The following PPP6R3 variants were observed in gnomAD, a reference collection of about 807,000 sequenced individuals.
PPP6R3 encodes the protein serine/threonine-protein phosphatase 6 regulatory subunit 3.
Under a neutral mutation model 110.7 loss-of-function variants are expected in PPP6R3, and 38 were observed. The ratio of observed to expected loss-of-function variants is 0.34; its 90% confidence interval spans 0.26 to 0.45. The LOEUF is 0.45. PPP6R3 is among the 20% of genes least tolerant of loss of function. PPP6R3 has a pLI of 1.00. For synonymous variants in PPP6R3, 369 were observed against 373.5 expected, an observed-to-expected ratio of 0.99 and a Z score of 0.14; for missense variants, 870 against 1,062.4, an observed-to-expected ratio of 0.82 and a Z score of 2.52.
intron 1 of PPP6R3, among the ~76,000 whole-genome samples, chr11:68,480,568 C>T (rs186734211): frequency 2.6e-5 from 4 of 152,296 alleles, no homozygotes; most frequent in East Asian, 1.9e-4. Flanking sequence ...GCTTTAATAT[C>T]GTGTCCAGGA....
intron 4 of PPP6R3, 69 bp downstream of exon 4, chr11:68,545,093 G>T: frequency 1.6e-6 from 2 of 1,247,162 alleles, no homozygotes; most frequent in Non-Finnish European, 1.1e-6. Context: ...CCCAGTACTT[G>T]TTGCTTTAAG....
At chr11:68,485,798 A>C (rs2098943146) in intron 1 of PPP6R3, among the ~76,000 whole-genome samples, 2 of 152,266 alleles carry the variant, frequency 1.3e-5, no homozygotes, top group Middle Eastern at 6.8e-3. Context: ...GGGCTTAAGC[A>C]ATCCTCCTGT....
chr11:68,483,966 A>G (rs1017527481), intron 1 of PPP6R3, among the ~76,000 whole-genome samples: 8 of 152,298 alleles, frequency 5.3e-5, no homozygotes, highest in Admixed American at 4.6e-4. Flanking sequence ...AATGTCATAC[A>G]TTGTTTATGT....
At chr11:68,547,320 G>C (rs2099353323) in intron 4 of PPP6R3, among the ~76,000 whole-genome samples, 2 of 152,126 alleles carry the variant, frequency 1.3e-5, no homozygotes, top group Admixed American at 6.5e-5. Context: ...CACTCCCCCT[G>C]GGACTCGCAG....
chr11:68,531,367 TC>T (rs2099239375), intron 2 of PPP6R3, among the ~76,000 whole-genome samples: 2 of 149,860 alleles, frequency 1.3e-5, no homozygotes. Flanking sequence ...TAGGACAGGG[TC>T]TCACTCTTGT....
At chr11:68,592,722 A>G (rs2099599344) in intron 18 of PPP6R3, among the ~76,000 whole-genome samples, 1 of 152,240 alleles carries the variant, frequency 6.6e-6, no homozygotes, top group Non-Finnish European at 1.5e-5. Context: ...CTCCAGAGCC[A>G]GACAGCAAAA....
chr11:68,468,343 C>T (rs934451863), intron 1 of PPP6R3, among the ~76,000 whole-genome samples: 4 of 152,160 alleles, frequency 2.6e-5, no homozygotes, highest in Admixed American at 2.6e-4. Context: ...CATAGAGATA[C>T]ACAGGGTTTG....
intron 1 of PPP6R3, among the ~76,000 whole-genome samples, chr11:68,471,733 C>T (rs1360778219): frequency 6.6e-6 from 1 of 152,098 alleles, no homozygotes; most frequent in Non-Finnish European, 1.5e-5. Context: ...AAGTAATTCT[C>T]CAGAGGATGA....
intron 1 of PPP6R3, among the ~76,000 whole-genome samples, chr11:68,484,543 T>A (rs1276577754): frequency 6.6e-6 from 1 of 151,450 alleles, no homozygotes; most frequent in Non-Finnish European, 1.5e-5. Flanking sequence ...GGTTGTTCAT[T>A]TTTTTGAGTT....
intron 1 of PPP6R3, among the ~76,000 whole-genome samples, chr11:68,491,328 CTGTG>C (rs60972668): frequency 0.12 from 14,418 of 123,380 alleles, 694 homozygotes; most frequent in East Asian, 0.15. Flanking sequence ...GTGTCTTCAG[CTGTG>C]TGTGTGTGTG....
chr11:68,547,768 T>C (rs1311885344), intron 4 of PPP6R3, among the ~76,000 whole-genome samples: 3 of 152,244 alleles, frequency 2.0e-5, no homozygotes, highest in Non-Finnish European at 4.4e-5. Flanking sequence ...GCATATTAAA[T>C]TTTTGATCAC....
chr11:68,496,107 C>T (rs762521647), intron 1 of PPP6R3, among the ~76,000 whole-genome samples: 6 of 152,082 alleles, frequency 3.9e-5, no homozygotes, highest in African/African-American at 1.2e-4. Context: ...CTCCCACCTC[C>T]GCCCCCCAAG....
chr11:68,474,848 GACTT>G (rs1211816338), intron 1 of PPP6R3, among the ~76,000 whole-genome samples: 11 of 152,118 alleles, frequency 7.2e-5, no homozygotes, highest in Middle Eastern at 3.4e-3. Flanking sequence ...ATAAAATTCT[GACTT>G]ACTATCTTTT....
At chr11:68,511,254 A>G (rs1354575479) in intron 1 of PPP6R3, among the ~76,000 whole-genome samples, 1 of 151,724 alleles carries the variant, frequency 6.6e-6, no homozygotes, top group Non-Finnish European at 1.5e-5. Context: ...TTTAGTAGAG[A>G]CGGGGTTTCG....
chr11:68,558,902 C>G (rs370001902), intron 8 of PPP6R3, among the ~76,000 whole-genome samples: 11 of 152,282 alleles, frequency 7.2e-5, no homozygotes, highest in African/African-American at 2.4e-4. Flanking sequence ...TATTTAGACT[C>G]TAGTCATATA....
At chr11:68,495,758 G>A (rs2099011555) in intron 1 of PPP6R3, among the ~76,000 whole-genome samples, 1 of 152,098 alleles carries the variant, frequency 6.6e-6, no homozygotes, top group Non-Finnish European at 1.5e-5. Context: ...GGATGTTTCT[G>A]AGTTTTGGCT....
chr11:68,605,155 C>T (rs1017400127), intron 22 of PPP6R3, among the ~76,000 whole-genome samples: 6 of 152,086 alleles, frequency 3.9e-5, no homozygotes, highest in Non-Finnish European at 8.8e-5. Flanking sequence ...GCCTAGGCAA[C>T]GTGGCAAAAT....
At chr11:68,516,595 T>G (rs2099138272) in intron 1 of PPP6R3, among the ~76,000 whole-genome samples, 1 of 152,220 alleles carries the variant, frequency 6.6e-6, no homozygotes, top group East Asian at 1.9e-4. Context: ...CATTCATCTG[T>G]TGATGGACAC....
intron 1 of PPP6R3, among the ~76,000 whole-genome samples, chr11:68,499,038 G>A (rs558417177): frequency 6.6e-6 from 1 of 152,138 alleles, no homozygotes; most frequent in Non-Finnish European, 1.5e-5. Flanking sequence ...TTAATTTACA[G>A]TAGTGAGGTC....
Sources: allele counts gnomAD v4.1 joint callset (sites outside exome capture counted in the v4.1 genomes callset), GRCh38; gene constraint gnomAD v4.1.1; transcripts MANE v1.5; gene names NCBI Gene and HGNC (gene_info 2026-07-23, HGNC 2026-07-21).